The following DRC11 variants were observed in gnomAD, a reference collection of about 807,000 sequenced individuals.
DRC11 encodes the protein dynein regulatory complex subunit 11, also known as IQ and AAA domain-containing protein 1.
the DRC11 span, chr2:236,465,827 A>C: frequency 1.5e-6 from 1 of 669,764 alleles, no homozygotes; most frequent in Non-Finnish European, 2.6e-6. This position sits in a 1 kb window ranked among gnomAD's most constrained non-coding sequence, Gnocchi z 6.2. Flanking sequence ...AAGGCAAATA[A>C]GAAATACAAG....
chr2:236,342,115 G>A, the DRC11 span, among the ~76,000 whole-genome samples: 4 of 152,174 alleles, frequency 2.6e-5, no homozygotes, highest in South Asian at 2.1e-4. This position sits in a 1 kb window ranked among gnomAD's most constrained non-coding sequence, Gnocchi z 5.8. Flanking sequence ...CAGAGGGGCC[G>A]GAGGGTGCAT....
the DRC11 span, among the ~76,000 whole-genome samples, chr2:236,317,297 G>C: frequency 6.7e-6 from 1 of 150,248 alleles, no homozygotes; most frequent in Non-Finnish European, 1.5e-5. The surrounding 1 kb of genome is among the most constrained non-coding windows in gnomAD (Gnocchi z 5.4). Flanking sequence ...TCCATATCGG[G>C]GGAAAAAAAA....
chr2:236,346,086 G>C, the DRC11 span, among the ~76,000 whole-genome samples: 3 of 152,234 alleles, frequency 2.0e-5, no homozygotes, highest in Non-Finnish European at 4.4e-5. Flanking sequence ...CATTCAGAGA[G>C]AAAAGAGTGC....
chr2:236,445,737 G>GA, the DRC11 span, among the ~76,000 whole-genome samples: 25 of 149,954 alleles, frequency 1.7e-4, no homozygotes, highest in East Asian at 1.2e-3. This position sits in a 1 kb window ranked among gnomAD's most constrained non-coding sequence, Gnocchi z 4.8. Context: ...CTTAAAGAAT[G>GA]AAAAAAAAAC....
the DRC11 span, among the ~76,000 whole-genome samples, chr2:236,492,890 C>A: frequency 6.6e-6 from 1 of 152,194 alleles, no homozygotes; most frequent in Non-Finnish European, 1.5e-5. Flanking sequence ...TATCGGGGCA[C>A]AGAACTAAAT....
the DRC11 span, among the ~76,000 whole-genome samples, chr2:236,395,456 A>G: frequency 6.6e-6 from 1 of 152,196 alleles, no homozygotes; most frequent in Non-Finnish European, 1.5e-5. Flanking sequence ...AATATGTGGA[A>G]GTTCGTTCTT....
the DRC11 span, among the ~76,000 whole-genome samples, chr2:236,375,991 T>C: frequency 6.6e-6 from 1 of 152,292 alleles, no homozygotes; most frequent in Admixed American, 6.5e-5. This position sits in a 1 kb window ranked among gnomAD's most constrained non-coding sequence, Gnocchi z 4.2. Context: ...ACCCCTTGGA[T>C]TGATTGTTCA....
the DRC11 span, among the ~76,000 whole-genome samples, chr2:236,439,061 T>A: frequency 2.7e-5 from 4 of 149,856 alleles, no homozygotes; most frequent in African/African-American, 7.4e-5. Flanking sequence ...TGGGACGCAT[T>A]CAAAGCAGTG....
chr2:236,495,880 C>T, the DRC11 span, among the ~76,000 whole-genome samples: 1 of 152,136 alleles, frequency 6.6e-6, no homozygotes, highest in Non-Finnish European at 1.5e-5. This position sits in a 1 kb window ranked among gnomAD's most constrained non-coding sequence, Gnocchi z 5.6. Context: ...GTGGCCCCAT[C>T]CCCACGGCAA....
the DRC11 span, among the ~76,000 whole-genome samples, chr2:236,474,420 A>G: frequency 6.6e-6 from 1 of 152,336 alleles, no homozygotes; most frequent in East Asian, 1.9e-4. Context: ...GTAAGACTTT[A>G]GCATGAACAA....
the DRC11 span, among the ~76,000 whole-genome samples, chr2:236,481,450 T>A: frequency 6.6e-6 from 1 of 152,100 alleles, no homozygotes; most frequent in African/African-American, 2.4e-5. Context: ...TGGCTCAGAA[T>A]TTTTTTACCT....
the DRC11 span, among the ~76,000 whole-genome samples, chr2:236,463,915 T>C: frequency 6.6e-6 from 1 of 152,178 alleles, no homozygotes; most frequent in Non-Finnish European, 1.5e-5. This position sits in a 1 kb window ranked among gnomAD's most constrained non-coding sequence, Gnocchi z 5.0. Flanking sequence ...CACTTCCAAG[T>C]CTATGCCTGT....
chr2:236,330,753 T>C, the DRC11 span, among the ~76,000 whole-genome samples: 29 of 152,190 alleles, frequency 1.9e-4, no homozygotes, highest in Non-Finnish European at 3.7e-4. The surrounding 1 kb of genome is among the most constrained non-coding windows in gnomAD (Gnocchi z 5.5). Flanking sequence ...TTATTTTTGC[T>C]TAAAGGAGAG....
At chr2:236,438,913 C>A in the DRC11 span, among the ~76,000 whole-genome samples, 1 of 151,068 alleles carries the variant, frequency 6.6e-6, no homozygotes, top group African/African-American at 2.4e-5. Flanking sequence ...GATTAAGAAT[C>A]TCACTCAAAA....
the DRC11 span, among the ~76,000 whole-genome samples, chr2:236,342,051 C>T: frequency 1.3e-5 from 2 of 152,222 alleles, no homozygotes; most frequent in South Asian, 4.1e-4. This position sits in a 1 kb window ranked among gnomAD's most constrained non-coding sequence, Gnocchi z 5.8. Context: ...CGCCATGCCC[C>T]AATCCCCGGG....
the DRC11 span, among the ~76,000 whole-genome samples, chr2:236,325,751 C>T: frequency 6.7e-4 from 102 of 152,190 alleles, no homozygotes; most frequent in Non-Finnish European, 7.5e-4. This position sits in a 1 kb window ranked among gnomAD's most constrained non-coding sequence, Gnocchi z 4.4. Context: ...TACAGGCGTG[C>T]GCCACCACAC....
chr2:236,489,897 C>T, the DRC11 span, among the ~76,000 whole-genome samples: 1 of 152,102 alleles, frequency 6.6e-6, no homozygotes, highest in African/African-American at 2.4e-5. Context: ...TGCATTGTGG[C>T]TTGGGCAACA....
the DRC11 span, among the ~76,000 whole-genome samples, chr2:236,351,781 T>C: frequency 6.6e-6 from 1 of 150,590 alleles, no homozygotes; most frequent in Non-Finnish European, 1.5e-5. This position sits in a 1 kb window ranked among gnomAD's most constrained non-coding sequence, Gnocchi z 7.3. Context: ...CAGGGCAGGA[T>C]GGGGAGGGCA....
At chr2:236,350,629 G>A in the DRC11 span, among the ~76,000 whole-genome samples, 4 of 152,258 alleles carry the variant, frequency 2.6e-5, no homozygotes, top group Non-Finnish European at 5.9e-5. This position sits in a 1 kb window ranked among gnomAD's most constrained non-coding sequence, Gnocchi z 5.2. Context: ...GGTAAGTGCT[G>A]GAGGTGGGAG....
Sources: gnomAD v4.1 joint callset for allele counts (sites outside exome capture counted in the v4.1 genomes callset) on GRCh38, gnomAD v4.1.1 for gene constraint, Gnocchi (gnomAD v3.1) non-coding constraint, MANE v1.5 for transcripts, NCBI Gene and HGNC (gene_info 2026-07-23, HGNC 2026-07-21) for gene names.